The following SIDT1 variants were observed in gnomAD, a reference collection of about 807,000 sequenced individuals.
The protein encoded by SIDT1 is SID1 transmembrane family, member 1.
Under a neutral mutation model 107.5 loss-of-function variants are expected in SIDT1, and 101 were observed. That is an observed-to-expected ratio of 0.94 (90% CI 0.80 to 1.11). The LOEUF (loss-of-function observed/expected upper bound fraction) is 1.11, where lower values mean the gene tolerates loss of function less well. SIDT1 is among the 50% of genes least tolerant of loss of function. The pLI is 0.00. For synonymous variants in SIDT1, 395 were observed against 398.2 expected (o/e 0.99, Z 0.10); for missense variants, 1,076 against 1,058.2 (o/e 1.02, Z -0.23).
chr3:113,550,922 A>C (rs1273142555), intron 1 of SIDT1, among the ~76,000 whole-genome samples: 1 of 151,422 alleles, frequency 6.6e-6, no homozygotes, highest in Non-Finnish European at 1.5e-5. Flanking sequence ...CCCACCCTCC[A>C]CCCTCCAGCA....
At chr3:113,548,643 T>C (rs957008345) in intron 1 of SIDT1, among the ~76,000 whole-genome samples, 27 of 152,086 alleles carry the variant, frequency 1.8e-4, no homozygotes, top group African/African-American at 6.0e-4. Context: ...ATACTCTCTA[T>C]ATTAAAAGGA....
At chr3:113,621,083 ATATTTT>A (rs1253007354) in intron 21 of SIDT1, among the ~76,000 whole-genome samples, 1 of 152,228 alleles carries the variant, frequency 6.6e-6, no homozygotes, top group Non-Finnish European at 1.5e-5. Flanking sequence ...CCCATGAATG[ATATTTT>A]AAAAAGAATT....
At position 113,535,091 on chromosome 3, in the gene SIDT1, A is replaced by G. The variant is rs531049299; in HGVS notation, c.222+1848A>G. 9.2e-5 allele frequency among the ~76,000 whole-genome samples: 14 copies of G among 152,252 alleles called. No individual in the cohort carries two copies. In the South Asian group the frequency reaches 2.9e-3, roughly 32 times the overall value. On this transcript the variant is annotated intron_variant, in intron 1 of 24. Coordinates refer to ENST00000264852, the MANE Select transcript of SIDT1 (RefSeq NM_017699.3). ...GTTCAAGACCAGCCTGGAAAACATA[A>G]TGAGACCCTCTCTCTACAAAAAATT...
chr3:113,606,140 A>G (rs987563741), intron 14 of SIDT1, among the ~76,000 whole-genome samples: 1 of 152,244 alleles, frequency 6.6e-6, no homozygotes, highest in Non-Finnish European at 1.5e-5. Flanking sequence ...GAGAATCCTC[A>G]TTCCTCCATA....
At chr3:113,613,526 C>T (rs953692336) in intron 19 of SIDT1, among the ~76,000 whole-genome samples, 12 of 152,224 alleles carry the variant, frequency 7.9e-5, no homozygotes, top group African/African-American at 2.9e-4. Context: ...AATTCTTTTG[C>T]CATGGTCAGT....
chr3:113,602,854 A>G (rs1945054819), intron 11 of SIDT1, 151 bp from the exon 12 acceptor site: 5 of 689,116 alleles, frequency 7.3e-6, no homozygotes, highest in Middle Eastern at 4.2e-4. Context: ...GAGAAGGAAT[A>G]GAGAGAAAGA....
intron 1 of SIDT1, among the ~76,000 whole-genome samples, chr3:113,540,772 A>C (rs1405987617): frequency 6.6e-6 from 1 of 152,138 alleles, no homozygotes; most frequent in African/African-American, 2.4e-5. Flanking sequence ...TTGTTTTTTT[A>C]AACAAAGTTT....
intron 9 of SIDT1, among the ~76,000 whole-genome samples, chr3:113,592,245 TTTGA>T (rs1160153325): frequency 1.3e-5 from 2 of 152,330 alleles, no homozygotes; most frequent in African/African-American, 2.4e-5. Flanking sequence ...TGTGAATGTA[TTTGA>T]TTGGTGTGAA....
At chr3:113,632,671 GCAGTGAACAAAATGCACGT>G (rs1174996396), downstream of SIDT1, 1 of 152,272 alleles carries the variant, frequency 6.6e-6, no homozygotes, top group Middle Eastern at 3.2e-3. Flanking sequence ...AATGGGCACA[GCAGTGAACAAAATGCACGT>G]CAGTGAACAA....
downstream of SIDT1, among the ~76,000 whole-genome samples, chr3:113,631,322 G>T (rs1947093245): frequency 1.3e-5 from 2 of 151,952 alleles, no homozygotes; most frequent in South Asian, 4.2e-4. Context: ...TAAGGAGAAC[G>T]CTTCAGCCTG....
chr3:113,611,779 T>C (rs1403827067), intron 18 of SIDT1, among the ~76,000 whole-genome samples: 1 of 152,204 alleles, frequency 6.6e-6, no homozygotes, highest in Non-Finnish European at 1.5e-5. Context: ...TAAATACGCA[T>C]GGGAAACACG....
chr3:113,619,758 T>C (rs764950267), intron 21 of SIDT1, 32 bp downstream of exon 21: 1 of 1,594,138 alleles, frequency 6.3e-7, no homozygotes, highest in Admixed American at 1.7e-5. Flanking sequence ...TGTTTTTGCC[T>C]TTATTAATGT....
chr3:113,566,443 G>T lies in SIDT1; in HGVS notation c.246G>T (p.Val82=). The T allele has an allele frequency of 1.2e-6, 2 of 1,614,078 alleles. No individual in the cohort carries two copies. Among genetic ancestry groups the T allele is most frequent in the Non-Finnish European group, 1.7e-6 (2 of 1,179,998 alleles). Residue 82 remains valine, a synonymous_variant, in exon 2 of 25, where the codon GTG becomes GTT. Transcript: ENST00000264852. ...PDQVTAVRVY[V]NSSSENLNYP... The stretch of plus-strand genomic sequence containing the variant: ...AGGTGACAGCCGTGAGGGTGTATGT[G>T]AACAGTTCCTCTGAGAATCTCAACT...
At position 113,610,860 on chromosome 3, in the gene SIDT1, T is replaced by C. The variant is rs879033840; in HGVS notation, c.1721-148T>C. ...TAGAGAATGTGCCAAGAGGCTGACA[T>C]GTTAGAGGTCTCCACACAGCCTGCG... On this transcript the variant is annotated intron_variant, in intron 17 of 24. Transcript: ENST00000264852. 9 of 894,206 alleles carry C rather than the reference T, an allele frequency of 1.0e-5. No homozygotes were observed. The South Asian group carries it at 1.4e-4, about 14-fold the overall frequency. The allele number at this position is 894,206 out of a possible 1,614,324, so 55.4% of individuals were successfully genotyped here.
intron 1 of SIDT1, among the ~76,000 whole-genome samples, chr3:113,544,076 G>T (rs978455000): frequency 6.6e-6 from 1 of 151,418 alleles, no homozygotes; most frequent in African/African-American, 2.4e-5. Flanking sequence ...ATGAAAAAAG[G>T]TTTTTTGTTT....
chr3:113,627,929 A>C lies in SIDT1; in HGVS notation c.*221A>C, dbSNP rs1946960760. ...TTTGAGGACAGACGCAAACCTGAGG[A>C]GCTGAGAAACACTTGCTCCTTCCAT... On this transcript the variant is annotated 3_prime_UTR_variant, in exon 25 of 25. Coordinates refer to ENST00000264852, the MANE Select transcript of SIDT1 (RefSeq NM_017699.3). 3 of 565,958 alleles carry C rather than the reference A, an allele frequency of 5.3e-6. No homozygotes were observed. The Admixed American group carries it at 9.3e-5, about 18-fold the overall frequency. The allele number at this position is 565,958 out of a possible 1,614,324, so 35.1% of individuals were successfully genotyped here. A position where few individuals can be genotyped will look rare whatever the true frequency, so the allele number is the denominator to read the frequency against.
chr3:113,551,712 A>G (rs905056530), intron 1 of SIDT1, among the ~76,000 whole-genome samples: 13 of 152,140 alleles, frequency 8.5e-5, no homozygotes, highest in Admixed American at 7.9e-4. Flanking sequence ...GGTTGATACT[A>G]AGTAAAACTA....
chr3:113,562,575 A>G (rs1941533478), intron 1 of SIDT1, among the ~76,000 whole-genome samples: 1 of 152,264 alleles, frequency 6.6e-6, no homozygotes, highest in South Asian at 2.1e-4. Context: ...TACAACATGA[A>G]TGAACCTTCA....
At position 113,612,108 on chromosome 3, in the gene SIDT1, G is replaced by A; in HGVS notation, c.1880G>A (p.Trp627Ter). Residue 627 changes from tryptophan (W) to a stop codon, truncating the protein, a stop_gained, in exon 19 of 25, where the codon TGG (tryptophan) becomes TAG (stop). Coordinates refer to ENST00000264852, the MANE Select transcript of SIDT1 (RefSeq NM_017699.3). LOFTEE classifies it high-confidence loss of function. ...TAGGTGTTTGGAAAAAATGACGTATGGTTCTGGGTCATCTTCTCTGCAATC... is the reference window on the plus strand; with the variant it reads ...TAGGTGTTTGGAAAAAATGACGTATAGTTCTGGGTCATCTTCTCTGCAATC... ...LGVVFGKNDV[W>*]FWVIFSAIHV... The A allele has an allele frequency of 1.2e-6, 2 of 1,613,994 alleles. No homozygotes were observed. The highest frequency in any genetic ancestry group is 1.7e-6 in the Non-Finnish European group (2 of 1,179,978).
Sources: gnomAD v4.1 joint callset for allele counts (sites outside exome capture counted in the v4.1 genomes callset) on GRCh38, gnomAD v4.1.1 for gene constraint, MANE v1.5 for transcripts, NCBI Gene and HGNC (gene_info 2026-07-23, HGNC 2026-07-21) for gene names.